TBL1XR1: variants seen among roughly 807,000 people sequenced by gnomAD.
The protein encoded by TBL1XR1 is F-box-like/WD repeat-containing protein TBL1XR1.
Under a neutral mutation model 66.9 loss-of-function variants are expected in TBL1XR1, and 5 were observed. The ratio of observed to expected loss-of-function variants is 0.07; its 90% CI spans 0.04 to 0.16. The LOEUF (loss-of-function observed/expected upper bound fraction) is 0.16, where lower values mean the gene tolerates loss of function less well. Ranked by LOEUF, TBL1XR1 falls within the 10% of genes least tolerant of loss-of-function variation. The probability of loss-of-function intolerance (pLI) is 1.00; values close to 1 mark genes in which losing one functional copy is unlikely to be tolerated. For synonymous variants in TBL1XR1, 210 were observed against 206.0 expected, an observed-to-expected ratio of 1.02 and a Z score of -0.17; for missense variants, 238 against 623.2, an observed-to-expected ratio of 0.38 and a Z score of 6.58.
intron 2 of TBL1XR1, among the ~76,000 whole-genome samples, chr3:177,078,215 T>C (rs1414331831): frequency 6.6e-6 from 1 of 152,226 alleles, no homozygotes; most frequent in Non-Finnish European, 1.5e-5. Context: ...GCAGCCTGTA[T>C]CTTATAAGGC....
chr3:177,112,108 T>TATATATATATATATATATATATATATA (rs1553846589), intron 1 of TBL1XR1, among the ~76,000 whole-genome samples: 1 of 35,704 alleles, frequency 2.8e-5, no homozygotes, highest in Non-Finnish European at 4.8e-5. Flanking sequence ...TATATATATA[T>TATATATATATATATATATATATATATA]TTTTTTTTTT....
intron 1 of TBL1XR1, among the ~76,000 whole-genome samples, chr3:177,100,861 G>GTTTTT (rs1313182694): frequency 7.6e-6 from 1 of 130,898 alleles, no homozygotes. Flanking sequence ...TTTTTCTTTG[G>GTTTTT]TTTTTTTTTT....
At chr3:177,099,548 G>C (rs1008749259) in intron 1 of TBL1XR1, 1 of 152,188 alleles carries the variant, frequency 6.6e-6, no homozygotes, top group African/African-American at 2.4e-5. Flanking sequence ...ACACCAATTA[G>C]GTGAAGTAAG....
At chr3:177,048,879 A>G (rs895689196) in intron 7 of TBL1XR1, among the ~76,000 whole-genome samples, 2 of 152,240 alleles carry the variant, frequency 1.3e-5, no homozygotes, top group African/African-American at 4.8e-5. Flanking sequence ...GTAAACTATA[A>G]ATTTCATTAA....
intron 1 of TBL1XR1, among the ~76,000 whole-genome samples, chr3:177,183,450 A>C (rs1186682083): frequency 6.6e-6 from 1 of 152,194 alleles, no homozygotes; most frequent in Non-Finnish European, 1.5e-5. Context: ...TGACTGATAA[A>C]GCAGTTGTCA....
chr3:177,025,553 G>A lies in TBL1XR1; in HGVS notation c.1519-29C>T, dbSNP rs369783869. 7 of 1,605,342 alleles carry A rather than the reference G, an allele frequency of 4.4e-6. No homozygotes were observed. In the African/African-American group the frequency reaches 5.4e-5, roughly 12 times the overall value. On this transcript the variant is annotated intron_variant, in intron 15 of 15. Transcript: ENST00000457928. The stretch of plus-strand genomic sequence containing the variant: ...TAAGAAATTAAAATAATCAACCAGT[G>A]TATTCAGAATTTTATTGTACATTTT...
chr3:177,119,855 A>G (rs1726771018), intron 1 of TBL1XR1, among the ~76,000 whole-genome samples: 2 of 152,190 alleles, frequency 1.3e-5, no homozygotes, highest in Admixed American at 1.3e-4. Flanking sequence ...CTACATGGTC[A>G]TTTTATTGTA....
intron 1 of TBL1XR1, among the ~76,000 whole-genome samples, chr3:177,134,981 G>GTGTGTC (rs1728752565): frequency 1.4e-5 from 2 of 147,326 alleles, no homozygotes; most frequent in Admixed American, 6.7e-5. Flanking sequence ...GTGTGTGTCT[G>GTGTGTC]TGTGTGTGTG....
At chr3:177,096,595 C>G (rs1723523232) in intron 2 of TBL1XR1, among the ~76,000 whole-genome samples, 3 of 152,166 alleles carry the variant, frequency 2.0e-5, no homozygotes, top group African/African-American at 7.2e-5. Flanking sequence ...GCCACAAATA[C>G]TAAGGATCCG....
At chr3:177,200,078 T>G (rs1202477723), upstream of TBL1XR1, among the ~76,000 whole-genome samples, 1 of 152,056 alleles carries the variant, frequency 6.6e-6, no homozygotes, top group Admixed American at 6.6e-5. Context: ...GTTCAAGCGA[T>G]TCTCCTGTCT....
Position 177,196,568 on chromosome 3 carries a change from CG to C in TBL1XR1, c.-122+552del, listed in dbSNP as rs1274116137. The C allele has an allele frequency of 2.7e-5, 4 of 148,390 alleles. No individual in the cohort carries two copies. The South Asian group carries it at 8.5e-4, about 31-fold the overall frequency. The allele number at this position is 148,390 out of a possible 1,614,324, so 9.2% of individuals were successfully genotyped here. ...GCACGCCGGCCGGGGTCGCCGCGCC[CG>C]GGCCGGGGACGCGCCCGGGGAGGGG... On this transcript the variant is annotated intron_variant, in intron 1 of 15. Coordinates refer to ENST00000457928, the MANE Select transcript of TBL1XR1 (RefSeq NM_024665.7).
intron 1 of TBL1XR1, among the ~76,000 whole-genome samples, chr3:177,188,610 T>G (rs1735732835): frequency 6.6e-6 from 1 of 152,076 alleles, no homozygotes; most frequent in African/African-American, 2.4e-5. Flanking sequence ...AGCCCAGAGT[T>G]TTGTTTTTTT....
chr3:177,158,182 A>ACAAAAC (rs1560241198), intron 1 of TBL1XR1, among the ~76,000 whole-genome samples: 1 of 151,096 alleles, frequency 6.6e-6, no homozygotes, highest in African/African-American at 2.4e-5. Context: ...AAAAACAAAA[A>ACAAAAC]AAACCCTGCT....
intron 7 of TBL1XR1, 95 bp from the exon 8 acceptor site, chr3:177,047,644 G>A: frequency 7.3e-7 from 1 of 1,364,604 alleles, no homozygotes; most frequent in Non-Finnish European, 1.0e-6. Flanking sequence ...GTACAGAAGA[G>A]AATGAAGACA....
At chr3:177,140,093 G>A (rs148080721) in intron 1 of TBL1XR1, among the ~76,000 whole-genome samples, 1 of 152,104 alleles carries the variant, frequency 6.6e-6, no homozygotes, top group African/African-American at 2.4e-5. Context: ...ACCAGGTCAG[G>A]AGTTCGAGAC....
At chr3:177,059,846 A>C (rs1718284734) in intron 3 of TBL1XR1, among the ~76,000 whole-genome samples, 1 of 152,206 alleles carries the variant, frequency 6.6e-6, no homozygotes, top group African/African-American at 2.4e-5. Flanking sequence ...GGAACCGCCT[A>C]ATCAGCTGCC....
chr3:177,126,011 G>A (rs539293847), intron 1 of TBL1XR1: 2 of 152,258 alleles, frequency 1.3e-5, no homozygotes, highest in Admixed American at 6.5e-5. Flanking sequence ...CATGCAGTGC[G>A]TAATAAAAAA....
Position 177,038,122 on chromosome 3 carries a change from G to A in TBL1XR1, c.1098C>T (p.Ser366=). ...CCTTTAAAGTCATGTCGTCAGAACA[G>A]GAGGCCAAGAGATTGCCAGTTGGGT... ...KWDPTGNLLA[S]CSDDMTLKIW... Residue 366 remains serine (S), a synonymous_variant, in exon 12 of 16, where the codon TCC becomes TCT. Transcript: ENST00000457928. The A allele has an allele frequency of 1.2e-6, 2 of 1,612,768 alleles. No homozygotes were observed. The highest frequency in any genetic ancestry group is 1.7e-6 in the Non-Finnish European group (2 of 1,179,792).
chr3:177,051,032 T>C (rs1427284640), intron 5 of TBL1XR1, among the ~76,000 whole-genome samples: 1 of 152,198 alleles, frequency 6.6e-6, no homozygotes, highest in African/African-American at 2.4e-5. Context: ...TAACTAGTAT[T>C]ACAAATTTTA....
Sources: allele counts gnomAD v4.1 joint callset (sites outside exome capture counted in the v4.1 genomes callset), GRCh38; gene constraint gnomAD v4.1.1; transcripts MANE v1.5; gene names NCBI Gene and HGNC (gene_info 2026-07-23, HGNC 2026-07-21).